The following CDHR3 variants were observed in gnomAD, a reference collection of about 807,000 sequenced individuals.
CDHR3 encodes the protein cadherin-related family member 3.
Under a neutral mutation model 86.6 loss-of-function variants are expected in CDHR3, and 79 were observed. The observed-to-expected ratio is 0.91, with a 90% CI of 0.76 to 1.10. CDHR3 has a LOEUF of 1.10. CDHR3 is among the 50% of genes least tolerant of loss of function. The probability of loss-of-function intolerance (pLI) is 0.00; values close to 1 mark genes in which losing one functional copy is unlikely to be tolerated. For synonymous variants in CDHR3, 421 were observed against 402.4 expected (o/e 1.05, Z -0.55); for missense variants, 1,081 against 1,077.6 (o/e 1.00, Z -0.04).
chr7:106,009,251 G>C (rs976402181), intron 8 of CDHR3, among the ~76,000 whole-genome samples: 3 of 152,164 alleles, frequency 2.0e-5, no homozygotes, highest in Admixed American at 6.5e-5. Flanking sequence ...GCCAAGATGT[G>C]AGGAAGGGCA....
chr7:106,027,541 G>A (rs1249966677), intron 16 of CDHR3: 1 of 321,828 alleles, frequency 3.1e-6, no homozygotes, highest in Non-Finnish European at 6.3e-6. Context: ...TCAGAGAAGT[G>A]GGTAAATTGG....
rs370091470 is a variant in CDHR3 at position 106,016,034 on chromosome 7, C to T, written c.1426+9C>T. On this transcript the variant is annotated intron_variant, in intron 11 of 18. Transcript: ENST00000317716. The stretch of plus-strand genomic sequence containing the variant: ...GTCAGAAAGAAGGCCCGGTAAGTAA[C>T]AGATAAGACACAGACCAGAGTGCTG... The T allele has an allele frequency of 1.3e-6, 2 of 1,572,084 alleles. No individual in the cohort carries two copies. Among genetic ancestry groups the T allele is most frequent in the Non-Finnish European group, 1.7e-6 (2 of 1,146,414 alleles).
At chr7:106,027,610 A>G in intron 16 of CDHR3, 1 of 447,028 alleles carries the variant, frequency 2.2e-6, no homozygotes. Flanking sequence ...CCTCAAGTAG[A>G]CTCCAGAGTG....
Position 106,022,420 on chromosome 7 carries a change from C to A in CDHR3, c.2048C>A (p.Pro683Gln), listed in dbSNP as rs746142690. 2 of 1,613,984 alleles carry A rather than the reference C, an allele frequency of 1.2e-6. No homozygotes were observed. The highest frequency in any genetic ancestry group is 2.2e-5 in the South Asian group (2 of 91,072). Reference protein sequence around the residue: ...VTLSIKVIPHPTTIITTTPRP... With the variant: ...VTLSIKVIPHQTTIITTTPRP... ...CTGAGTATTAAAGTCATTCCCCACC[C>A]AACCACTATCATCACCACGACCCCC... The change falls in exon 14 of 19, where the codon CCA (proline) becomes CAA (glutamine). Residue 683 changes from proline (P) to glutamine (Q), a missense_variant. By Grantham distance (76) the Pro-to-Gln change is moderately conservative (BLOSUM62 -1). Coordinates refer to ENST00000317716, the MANE Select transcript of CDHR3 (RefSeq NM_152750.5).
At chr7:106,023,869 C>T (rs1471109887) in intron 14 of CDHR3, among the ~76,000 whole-genome samples, 6 of 152,184 alleles carry the variant, frequency 3.9e-5, no homozygotes, top group Admixed American at 2.6e-4. Context: ...CTGAAACCTC[C>T]GTAACTTGTT....
chr7:106,031,155 G>A (rs1838291729), intron 18 of CDHR3, among the ~76,000 whole-genome samples: 1 of 152,174 alleles, frequency 6.6e-6, no homozygotes, highest in Non-Finnish European at 1.5e-5. Context: ...GGGAACTGGT[G>A]AATCCAGGAA....
intron 1 of CDHR3, among the ~76,000 whole-genome samples, chr7:105,973,298 A>G (rs755154079): frequency 1.3e-5 from 2 of 152,222 alleles, no homozygotes; most frequent in Non-Finnish European, 2.9e-5. Context: ...TTTTGCACTT[A>G]TTTGTAACAT....
chr7:106,031,579 T>C (rs949500936), intron 18 of CDHR3, among the ~76,000 whole-genome samples: 2 of 152,244 alleles, frequency 1.3e-5, no homozygotes, highest in African/African-American at 2.4e-5. Flanking sequence ...CCGCCGCTGC[T>C]GCTGCTGCTG....
chr7:106,021,886 G>A (rs934947839), intron 13 of CDHR3, among the ~76,000 whole-genome samples: 1 of 152,190 alleles, frequency 6.6e-6, no homozygotes, highest in Non-Finnish European at 1.5e-5. Context: ...GCTGCACCAG[G>A]GTTACAAAGT....
chr7:106,001,451 C>T lies in CDHR3; in HGVS notation c.714-11C>T, dbSNP rs779223777. The T allele has an allele frequency of 1.2e-6, 2 of 1,613,458 alleles. No individual in the cohort carries two copies. The highest frequency in any genetic ancestry group is 2.2e-5 in the South Asian group (2 of 91,044). On this transcript the variant is annotated splice_polypyrimidine_tract_variant and intron_variant, in intron 6 of 18. Transcript: ENST00000317716. ...TGGAAATTAGCTGTGTCTGCTGTAT[C>T]TCTGTTCCAGCCCGACACGAGTGTA...
At chr7:105,994,964 G>C in intron 5 of CDHR3, 119 bp downstream of exon 5, 2 of 753,710 alleles carry the variant, frequency 2.7e-6, no homozygotes, top group Non-Finnish European at 4.5e-6. Context: ...GCAGTCTACA[G>C]CGTCATTGTA....
At chr7:105,988,885 A>C (rs1038349180) in intron 4 of CDHR3, among the ~76,000 whole-genome samples, 1 of 152,246 alleles carries the variant, frequency 6.6e-6, no homozygotes, top group Non-Finnish European at 1.5e-5. Context: ...TCAACATAAA[A>C]TGATTAATGA....
rs768185199 is a variant in CDHR3, at chr7:105,974,852, G to A, written c.55G>A (p.Ala19Thr). 1.2e-6 allele frequency: 2 copies of A among 1,613,110 alleles called. No individual in the cohort carries two copies. Among genetic ancestry groups the A allele is most frequent in the South Asian group, 1.1e-5 (1 of 91,044 alleles). Residue 19 changes from alanine (A) to threonine (T), a missense_variant, in exon 2 of 19, where the codon GCA becomes ACA. By Grantham distance (58) the Ala-to-Thr change is moderately conservative. Coordinates refer to ENST00000317716, the MANE Select transcript of CDHR3 (RefSeq NM_152750.5). ...ALLGAMSGGEALHLILLPATG... is the reference protein window; with the variant it reads ...ALLGAMSGGETLHLILLPATG... Reference sequence around the variant, plus strand: ...CCCTTTTTACTCCACAGGGGGAGAAGCACTACACCTAATCCTCTTACCTGC... The same window carrying A: ...CCCTTTTTACTCCACAGGGGGAGAAACACTACACCTAATCCTCTTACCTGC...
intron 17 of CDHR3, among the ~76,000 whole-genome samples, chr7:106,028,917 TTTC>T (rs1837807331): frequency 3.6e-5 from 1 of 27,882 alleles, no homozygotes; most frequent in African/African-American, 1.5e-4. Context: ...AGATTTAAAT[TTTC>T]TTTCTTTCTT....
chr7:106,003,133 C>CAA (rs35573554), intron 7 of CDHR3, among the ~76,000 whole-genome samples: 23,942 of 99,750 alleles, frequency 0.24, 2,819 homozygotes, highest in African/African-American at 0.37. Flanking sequence ...AAACCTGTCT[C>CAA]AAAAAAAAAA....
chr7:106,028,837 C>T (rs941902635), intron 17 of CDHR3, among the ~76,000 whole-genome samples: 3 of 152,168 alleles, frequency 2.0e-5, no homozygotes, highest in Admixed American at 6.5e-5. Flanking sequence ...ATTATCTATA[C>T]CAGCTCTCCA....
In CDHR3 at chr7:105,983,855, C is replaced by T. The variant is rs144072926; in HGVS notation, c.416-337C>T. ...ATTCAGCACATGGGGATCCTCACAC[C>T]GGAGGTTCCTACCTGGGTTTACTTC... On this transcript the variant is annotated intron_variant, in intron 3 of 18. Coordinates refer to ENST00000317716, the MANE Select transcript of CDHR3 (RefSeq NM_152750.5). 3.1e-3 allele frequency among the ~76,000 whole-genome samples: 467 copies of T among 152,226 alleles called. 3 individuals carry two copies. In the Middle Eastern group the frequency reaches 0.034, roughly 11 times the overall value.
chr7:106,022,243 A>G lies in CDHR3; in HGVS notation c.1871A>G (p.Asn624Ser). 6.2e-7 allele frequency: 1 copy of G among 1,614,038 alleles called. No individual in the cohort carries two copies. The highest frequency in any genetic ancestry group is 8.5e-7 in the Non-Finnish European group (1 of 1,179,892). The stretch of plus-strand genomic sequence containing the variant: ...ACCTTCTCTCCCAATGCTGGTTCCA[A>G]TGTCACACGCCTGCTGCTTACATCT... The part of the protein sequence containing the change: ...HFTFSPNAGS[N>S]VTRLLLTSRF... Residue 624 changes from asparagine (N) to serine (S), a missense_variant, in exon 14 of 19, where the codon AAT becomes AGT. Coordinates refer to ENST00000317716, the MANE Select transcript of CDHR3 (RefSeq NM_152750.5).
chr7:106,022,269 C>G lies in CDHR3; in HGVS notation c.1897C>G (p.Arg633Gly). ...TGTCACACGCCTGCTGCTTACATCT[C>G]GCTTTGACTATGCTGGTGGGTTTGA... is the stretch of plus-strand genomic sequence containing the variant. ...SNVTRLLLTS[R>G]FDYAGGFDKI... The change falls in exon 14 of 19, where the codon CGC becomes GGC. Residue 633 changes from arginine to glycine, a missense_variant. Arg to Gly is a moderately radical substitution (Grantham distance 125). Coordinates refer to ENST00000317716, the MANE Select transcript of CDHR3 (RefSeq NM_152750.5). 7.4e-6 allele frequency: 12 copies of G among 1,614,042 alleles called. No individual in the cohort carries two copies. Among genetic ancestry groups the G allele is most frequent in the Non-Finnish European group, 1.0e-5 (12 of 1,179,900 alleles).
Sources: allele counts gnomAD v4.1 joint callset (sites outside exome capture counted in the v4.1 genomes callset), GRCh38; gene constraint gnomAD v4.1.1; transcripts MANE v1.5; gene names NCBI Gene and HGNC (gene_info 2026-07-23, HGNC 2026-07-21).